The following COL11A2 variants were observed in gnomAD, a reference collection of about 807,000 sequenced individuals.
COL11A2 encodes collagen alpha-2(XI) chain.
Under a neutral mutation model 273.4 loss-of-function variants are expected in COL11A2, and 116 were observed. The ratio of observed to expected loss-of-function variants is 0.42; its 90% CI spans 0.36 to 0.49. The LOEUF (loss-of-function observed/expected upper bound fraction) is 0.49. Ranked by LOEUF, COL11A2 falls within the 20% of genes least tolerant of loss-of-function variation. The probability of loss-of-function intolerance (pLI) is 0.00; values close to 1 mark genes in which losing one functional copy is unlikely to be tolerated. For missense variants in COL11A2, 1,866 were observed against 2,309.0 expected (o/e 0.81, Z 3.93); for synonymous variants, 782 against 864.2 (o/e 0.90, Z 1.67).
chr6:33,177,453 C>T lies in COL11A2; in HGVS notation c.1930G>A (p.Glu644Lys). The T allele has an allele frequency of 2.5e-6, 4 of 1,612,972 alleles. No individual in the cohort carries two copies. The highest frequency in any genetic ancestry group is 3.4e-6 in the Non-Finnish European group (4 of 1,180,002). The change falls in exon 23 of 66, where the codon GAG becomes AAG. Residue 644 changes from glutamate to lysine, a missense_variant. By Grantham distance (56) the Glu-to-Lys change is moderately conservative. Coordinates refer to ENST00000341947, the MANE Select transcript of COL11A2 (RefSeq NM_080680.3). The surrounding 1 kb of genome is among the most constrained non-coding windows in gnomAD (Gnocchi z 5.9). ...CCCTGTTGTCCAGGAGGTCCTGGCT[C>T]TCCCTGGGGTCCCTAGAAACAGGTG... Reference protein sequence around the residue: ...GPKGSLGPQGEPGPPGQQGTP... With the variant: ...GPKGSLGPQGKPGPPGQQGTP...
intron 53 of COL11A2, 36 bp downstream of exon 53, chr6:33,168,670 G>A: frequency 6.3e-7 from 1 of 1,589,480 alleles, no homozygotes; most frequent in Non-Finnish European, 8.6e-7. Flanking sequence ...GATGAGGCTT[G>A]GGCTCAGGGG....
Position 33,169,839 on chromosome 6 carries a change from C to T in COL11A2, c.3682G>A (p.Gly1228Ser). The T allele has an allele frequency of 6.2e-7, 1 of 1,614,166 alleles. No homozygotes were observed. The highest frequency in any genetic ancestry group is 8.5e-7 in the Non-Finnish European group (1 of 1,180,018). Residue 1228 changes from glycine to serine, a missense_variant, in exon 50 of 66, where the codon GGT becomes AGT. Physicochemically the swap from Gly to Ser is moderately conservative, Grantham distance 56 (BLOSUM62 0). Coordinates refer to ENST00000341947, the MANE Select transcript of COL11A2 (RefSeq NM_080680.3). The surrounding 1 kb of genome is among the most constrained non-coding windows in gnomAD (Gnocchi z 5.5). ...SGSPGIQGEP[G>S]VKGPRGERGE... ...TTGGAGCTGTCACTCACCTTGACAC[C>T]TGGCTCGCCCTGGATCCCTGGAGAT...
chr6:33,182,178 G>A (rs760600243), intron 8 of COL11A2, among the ~76,000 whole-genome samples: 236 of 152,124 alleles, frequency 1.6e-3, no homozygotes, highest in Non-Finnish European at 9.1e-4. Flanking sequence ...GGAGGCTGAA[G>A]CAGGAGAATA....
intron 4 of COL11A2, 55 bp from the exon 5 acceptor site, chr6:33,186,873 T>C (rs1772487643): frequency 2.5e-6 from 4 of 1,609,774 alleles, no homozygotes; most frequent in Admixed American, 1.7e-5. Flanking sequence ...GCAGAGGGTA[T>C]CATCCGGGAG....
At chr6:33,191,850 G>A (rs1773149653) in intron 1 of COL11A2, among the ~76,000 whole-genome samples, 1 of 152,156 alleles carries the variant, frequency 6.6e-6, no homozygotes. Context: ...TGACTGGACC[G>A]GGCTGGCCCT....
intron 53 of COL11A2, 22 bp downstream of exon 53, chr6:33,168,684 G>A (rs1360854647): frequency 6.3e-7 from 1 of 1,589,572 alleles, no homozygotes; most frequent in Non-Finnish European, 8.6e-7. Flanking sequence ...TCAGGGGGGT[G>A]GTGGGGTCAC....
Position 33,186,724 on chromosome 6 carries a change from T to C in COL11A2, c.701A>G (p.Glu234Gly). 6.2e-7 allele frequency: 1 copy of C among 1,614,068 alleles called. No homozygotes were observed. The highest frequency in any genetic ancestry group is 8.5e-7 in the Non-Finnish European group (1 of 1,180,020). ...KELECEGGQRERPQNQQPHRA... is the reference protein window; with the variant it reads ...KELECEGGQRGRPQNQQPHRA... ...GTGAGGCTGTTGGTTTTGGGGTCTTTCCCTCTGGCCCCCCTCGCATTCCAG... is the reference window on the plus strand; with the variant it reads ...GTGAGGCTGTTGGTTTTGGGGTCTTCCCCTCTGGCCCCCCTCGCATTCCAG... The change falls in exon 5 of 66, where the codon GAA becomes GGA. Residue 234 changes from glutamate (E) to glycine (G), a missense_variant. Transcript: ENST00000341947.
At position 33,186,746 on chromosome 6, in the gene COL11A2, C is replaced by T. The variant is rs760875506; in HGVS notation, c.679G>A (p.Glu227Lys). ...CTTTCCCTCTGGCCCCCCTCGCATT[C>T]CAGCTCCTTCTGTTCACATGATTCA... ...AYESCEQKEL[E>K]CEGGQRERPQ... The change falls in exon 5 of 66, where the codon GAA becomes AAA. Residue 227 changes from glutamate to lysine, a missense_variant. By Grantham distance (56) the Glu-to-Lys change is moderately conservative. Coordinates refer to ENST00000341947, the MANE Select transcript of COL11A2 (RefSeq NM_080680.3). The T allele has an allele frequency of 1.2e-6, 2 of 1,614,012 alleles. No individual in the cohort carries two copies. The highest frequency in any genetic ancestry group is 1.7e-5 in the Admixed American group (1 of 60,004).
chr6:33,175,864 G>T, intron 29 of COL11A2, 152 bp downstream of exon 29: 1 of 1,100,060 alleles, frequency 9.1e-7, no homozygotes, highest in Non-Finnish European at 1.4e-6. Flanking sequence ...CAGACCATGG[G>T]GCTATCATCC....
At chr6:33,192,684 A>G (rs947785739), upstream of COL11A2, among the ~76,000 whole-genome samples, 5 of 151,940 alleles carry the variant, frequency 3.3e-5, no homozygotes, top group African/African-American at 7.3e-5. Context: ...GGGAACCCCA[A>G]TATCTTCCCT....
Position 33,170,706 on chromosome 6 carries a change from G to T in COL11A2, c.3475-96C>A. On this transcript the variant is annotated intron_variant, in intron 46 of 65. Transcript: ENST00000341947. The surrounding 1 kb of genome is among the most constrained non-coding windows in gnomAD (Gnocchi z 4.3). ...CCACAGTCCCCTCCCCTCAGACTCC[G>T]CAGGCCCTCCAGTCTGCATCGGCAG... 6.3e-7 allele frequency: 1 copy of T among 1,585,316 alleles called. No individual in the cohort carries two copies. The highest frequency in any genetic ancestry group is 8.7e-7 in the Non-Finnish European group (1 of 1,155,248).
rs555936333 is a variant in COL11A2 at position 33,166,793 on chromosome 6, G to T, written c.4265C>A (p.Pro1422Gln). The change falls in exon 59 of 66, where the codon CCG (proline) becomes CAG (glutamine). Residue 1422 changes from proline to glutamine, a missense_variant. Transcript: ENST00000341947. The surrounding 1 kb of genome is among the most constrained non-coding windows in gnomAD (Gnocchi z 4.8). ...ATCTCCCTTCTCTCCCTGCTCACCC[G>T]GGGGCCCAATCAGTCCAATGAGACC... is the stretch of plus-strand genomic sequence containing the variant. ...HPGLIGLIGP[P>Q]GEQGEKGDRG... 1 of 1,613,268 alleles carries T rather than the reference G, an allele frequency of 6.2e-7. No individual in the cohort carries two copies. The highest frequency in any genetic ancestry group is 1.1e-5 in the South Asian group (1 of 91,080).
Position 33,166,566 on chromosome 6 carries a change from C to T in COL11A2, c.4339G>A (p.Gly1447Ser). The T allele has an allele frequency of 6.2e-7, 1 of 1,613,768 alleles. No individual in the cohort carries two copies. The highest frequency in any genetic ancestry group is 8.5e-7 in the Non-Finnish European group (1 of 1,179,846). ...QGSPGQKGEM[G>S]IPGASGPIGP... ...ATGGGGCCGGATGCTCCTGGGATAC[C>T]CTAGGAAGGGTAGTGGCTGGTTCAA... Residue 1447 changes from glycine to serine, a missense_variant and splice_region_variant, in exon 60 of 66, where the codon GGT becomes AGT. By Grantham distance (56) the Gly-to-Ser change is moderately conservative. Coordinates refer to ENST00000341947, the MANE Select transcript of COL11A2 (RefSeq NM_080680.3). This position sits in a 1 kb window ranked among gnomAD's most constrained non-coding sequence, Gnocchi z 4.8.
rs1265758956 is a variant in COL11A2, at chr6:33,176,231, G to T, written c.2214+28C>A. On this transcript the variant is annotated intron_variant, in intron 28 of 65. Coordinates refer to ENST00000341947, the MANE Select transcript of COL11A2 (RefSeq NM_080680.3). The surrounding 1 kb of genome is among the most constrained non-coding windows in gnomAD (Gnocchi z 4.9). ...AGAGAGGAGATGGCAGGACTGAGGT[G>T]CTGGGAAGCTGGGGGCATGGTGCTC... is the stretch of plus-strand genomic sequence containing the variant. 2 of 1,608,518 alleles carry T rather than the reference G, an allele frequency of 1.2e-6. No homozygotes were observed. The highest frequency in any genetic ancestry group is 1.3e-5 in the African/African-American group (1 of 74,946).
rs1430247969 is a variant in COL11A2 at position 33,176,247 on chromosome 6, C to A, written c.2214+12G>T. The A allele has an allele frequency of 6.2e-7, 1 of 1,608,246 alleles. No homozygotes were observed. Among genetic ancestry groups the A allele is most frequent in the East Asian group, 2.2e-5 (1 of 44,766 alleles). ...GACTGAGGTGCTGGGAAGCTGGGGGCATGGTGCTCACCTTCTCACCCTTAT... is the reference window on the plus strand; with the variant it reads ...GACTGAGGTGCTGGGAAGCTGGGGGAATGGTGCTCACCTTCTCACCCTTAT... On this transcript the variant is annotated intron_variant, in intron 28 of 65. Transcript: ENST00000341947. The surrounding 1 kb of genome is among the most constrained non-coding windows in gnomAD (Gnocchi z 4.9).
Position 33,166,663 on chromosome 6 carries a change from C to T in COL11A2, c.4338+57G>A, listed in dbSNP as rs1769190621. The T allele has an allele frequency of 6.2e-7, 1 of 1,610,772 alleles. No homozygotes were observed. The highest frequency in any genetic ancestry group is 8.5e-7 in the Non-Finnish European group (1 of 1,177,340). On this transcript the variant is annotated intron_variant, in intron 59 of 65. Coordinates refer to ENST00000341947, the MANE Select transcript of COL11A2 (RefSeq NM_080680.3). The surrounding 1 kb of genome is among the most constrained non-coding windows in gnomAD (Gnocchi z 4.8). Reference sequence around the variant, plus strand: ...CAGCTGAGTCCCAACTCCAACTCCACCCCTCTCCACCCCACTCTCAACCCC... The same window carrying T: ...CAGCTGAGTCCCAACTCCAACTCCATCCCTCTCCACCCCACTCTCAACCCC...
intron 3 of COL11A2, among the ~76,000 whole-genome samples, 179 bp from the exon 4 acceptor site, chr6:33,188,703 T>C (rs1253525491): frequency 6.6e-6 from 1 of 152,226 alleles, no homozygotes; most frequent in African/African-American, 2.4e-5. Flanking sequence ...TTCTTATTTG[T>C]GCCAATTCTA....
At position 33,188,351 on chromosome 6, in the gene COL11A2, G is replaced by T; in HGVS notation, c.606+11C>A. 15 of 1,613,034 alleles carry T rather than the reference G, an allele frequency of 9.3e-6. No individual in the cohort carries two copies. Among genetic ancestry groups the T allele is most frequent in the Non-Finnish European group, 1.2e-5 (14 of 1,180,010 alleles). ...CCAGAAGTCAATCCTGCCTCTGATT[G>T]CTCTGGTTACCTCAAAGACTTCTTC... On this transcript the variant is annotated intron_variant, in intron 4 of 65. Transcript: ENST00000341947.
Position 33,167,527 on chromosome 6 carries a change from G to T in COL11A2, c.4021C>A (p.Pro1341Thr). Residue 1341 changes from proline (P) to threonine (T), a missense_variant, in exon 56 of 66, where the codon CCT becomes ACT. By Grantham distance (38) the Pro-to-Thr change is conservative (BLOSUM62 -1). Coordinates refer to ENST00000341947, the MANE Select transcript of COL11A2 (RefSeq NM_080680.3). This position sits in a 1 kb window ranked among gnomAD's most constrained non-coding sequence, Gnocchi z 6.1. ...TTCCCCGGGGCACCTATAGCGCCAG[G>T]ATCTCCCTGAAACACACACAAGGAA... is the stretch of plus-strand genomic sequence containing the variant. ...RQGGKGAKGD[P>T]GAIGAPGKTG... is the part of the protein sequence containing the mutation. The T allele has an allele frequency of 1.9e-6, 3 of 1,612,784 alleles. No homozygotes were observed. The highest frequency in any genetic ancestry group is 2.5e-6 in the Non-Finnish European group (3 of 1,180,008).
Sources: allele counts gnomAD v4.1 joint callset (sites outside exome capture counted in the v4.1 genomes callset), GRCh38; gene constraint gnomAD v4.1.1; non-coding constraint Gnocchi (gnomAD v3.1); transcripts MANE v1.5; gene names NCBI Gene and HGNC (gene_info 2026-07-23, HGNC 2026-07-21).